Variants in BTG4 observed in about 807,000 individuals in gnomAD.
BTG4 encodes the protein protein BTG4.
A neutral mutation model predicts 19.3 loss-of-function variants in BTG4; 10 were observed. The ratio of observed to expected loss-of-function variants is 0.52; its 90% confidence interval spans 0.32 to 0.88. The LOEUF is 0.88. Among genes scored for constraint, BTG4 ranks in the 40% least tolerant of loss-of-function variants. The pLI is 0.04. For missense variants in BTG4, 238 were observed against 281.9 expected, an observed-to-expected ratio of 0.84 and a Z score of 1.11; for synonymous variants, 91 against 95.7, an observed-to-expected ratio of 0.95 and a Z score of 0.29.
At position 111,498,115 on chromosome 11, in the gene BTG4, T is replaced by C. The variant is rs368455885; in HGVS notation, c.194A>G (p.Asn65Ser). ...QAFRCIRINNNQNKDPILERA... is the reference protein window; with the variant it reads ...QAFRCIRINNSQNKDPILERA... ...TTCTAGAATGGGATCTTTATTCTGA[T>C]TGTTGTTTATCCTGATGCACCTTTT... Residue 65 changes from asparagine (N) to serine (S), a missense_variant, in exon 3 of 5, where the codon AAT becomes AGT. By Grantham distance (46) the Asn-to-Ser change is conservative (BLOSUM62 1). Transcript: ENST00000692032. The C allele has an allele frequency of 2.3e-5, 37 of 1,614,088 alleles. No homozygotes were observed. In the African/African-American group the frequency reaches 4.4e-4, roughly 19 times the overall value.
the BTG4 span, among the ~76,000 whole-genome samples, chr11:111,445,797 T>C: frequency 6.6e-6 from 1 of 152,198 alleles, no homozygotes; most frequent in African/African-American, 2.4e-5. Context: ...GACAAGACAC[T>C]TCCTCCCTCT....
At chr11:111,490,574 TAAAC>T (rs1195774779), downstream of BTG4, among the ~76,000 whole-genome samples, 9 of 151,956 alleles carry the variant, frequency 5.9e-5, no homozygotes, top group African/African-American at 9.7e-5. Context: ...AGTGGAAAAA[TAAAC>T]AACGCACTCA....
chr11:111,421,382 C>T, the BTG4 span, among the ~76,000 whole-genome samples: 1 of 152,102 alleles, frequency 6.6e-6, no homozygotes, highest in African/African-American at 2.4e-5. Flanking sequence ...TGAAAAACTC[C>T]AAACTGGATA....
At chr11:111,420,452 G>T in the BTG4 span, among the ~76,000 whole-genome samples, 1 of 152,336 alleles carries the variant, frequency 6.6e-6, no homozygotes, top group East Asian at 1.9e-4. Context: ...CAAGGATCAG[G>T]AGGAAGAAGG....
At chr11:111,458,589 C>A in the BTG4 span, among the ~76,000 whole-genome samples, 21 of 152,270 alleles carry the variant, frequency 1.4e-4, no homozygotes, top group Middle Eastern at 3.4e-3. Context: ...GGTCCTCTAG[C>A]TGCAAAGCCT....
At chr11:111,442,269 G>A in the BTG4 span, among the ~76,000 whole-genome samples, 1 of 151,448 alleles carries the variant, frequency 6.6e-6, no homozygotes, top group Non-Finnish European at 1.5e-5. Flanking sequence ...GGGAGGTCGA[G>A]GCAGGTGGAT....
At chr11:111,410,117 T>C in the BTG4 span, among the ~76,000 whole-genome samples, 4 of 152,294 alleles carry the variant, frequency 2.6e-5, no homozygotes, top group East Asian at 7.7e-4. Context: ...CTTGAATTAG[T>C]CATTTAACTG....
the BTG4 span, chr11:111,435,049 C>G: frequency 6.6e-6 from 1 of 152,288 alleles, no homozygotes; most frequent in African/African-American, 2.4e-5. Flanking sequence ...AGCACTGGTG[C>G]AGGCTTCCCC....
At chr11:111,499,690 C>T (rs10891276) in intron 1 of BTG4, among the ~76,000 whole-genome samples, 2 of 151,936 alleles carry the variant, frequency 1.3e-5, no homozygotes, top group African/African-American at 4.8e-5. Flanking sequence ...AAATTTGTTA[C>T]GACAACTTTG....
chr11:111,483,144 A>G (rs1021501525), intron 5 of BTG4, among the ~76,000 whole-genome samples: 1 of 152,278 alleles, frequency 6.6e-6, no homozygotes, highest in East Asian at 1.9e-4. Context: ...GCCAGCAGAA[A>G]TTGCAGCATT....
chr11:111,398,497 A>G, the BTG4 span, among the ~76,000 whole-genome samples: 6 of 152,012 alleles, frequency 3.9e-5, no homozygotes, highest in African/African-American at 1.5e-4. Flanking sequence ...TCTGTTGCTC[A>G]GGCTGGAGTG....
At position 111,498,736 on chromosome 11, in the gene BTG4, C is replaced by CT; in HGVS notation, c.40dup (p.Arg14LysfsTer7). The CT allele has an allele frequency of 8.7e-6, 14 of 1,612,828 alleles. No individual in the cohort carries two copies. The highest frequency in any genetic ancestry group is 1.1e-5 in the Non-Finnish European group (13 of 1,179,560). On this transcript the variant is annotated frameshift_variant, in exon 2 of 5. Coordinates refer to ENST00000692032, the MANE Select transcript of BTG4 (RefSeq NM_001367975.1). LOFTEE classifies it high-confidence loss of function. ...TAGTTTATCATGTTTTTTCACCAAT[C>CT]TTGTGACAAAGAAAACTGTTGTTGC...
intron 5 of BTG4, chr11:111,470,014 G>T (rs1242144819): frequency 6.6e-6 from 1 of 152,644 alleles, no homozygotes; most frequent in Non-Finnish European, 1.5e-5. Context: ...GTATCACATG[G>T]TCTTGACTAA....
the BTG4 span, among the ~76,000 whole-genome samples, chr11:111,442,166 C>A: frequency 6.6e-6 from 1 of 152,016 alleles, no homozygotes; most frequent in East Asian, 1.9e-4. Context: ...GGAACCAGAA[C>A]TCCTTGGGGA....
chr11:111,449,107 CTT>C, the BTG4 span, among the ~76,000 whole-genome samples: 4 of 152,128 alleles, frequency 2.6e-5, no homozygotes, highest in East Asian at 7.7e-4. Flanking sequence ...TCTCAAGTCT[CTT>C]TTTTTATTGA....
At chr11:111,494,659 G>T (rs997074023), downstream of BTG4, among the ~76,000 whole-genome samples, 1 of 152,050 alleles carries the variant, frequency 6.6e-6, no homozygotes, top group South Asian at 2.1e-4. Flanking sequence ...GGGCACGGTG[G>T]CTCACGCCTG....
At chr11:111,475,086 A>G (rs1307672672) in intron 5 of BTG4, 1 of 152,254 alleles carries the variant, frequency 6.6e-6, no homozygotes. Context: ...TATTTTTTCC[A>G]TTTTATTTTT....
chr11:111,504,320 G>A (rs1181814529), intron 1 of BTG4, among the ~76,000 whole-genome samples: 2 of 152,026 alleles, frequency 1.3e-5, no homozygotes, highest in Non-Finnish European at 2.9e-5. Flanking sequence ...AAACAAAATT[G>A]CATTTCCCAA....
At chr11:111,456,628 C>T in the BTG4 span, 3,986 of 437,072 alleles carry the variant, frequency 9.1e-3, 120 homozygotes, top group African/African-American at 0.072. The surrounding 1 kb of genome is among the most constrained non-coding windows in gnomAD (Gnocchi z 4.2). Flanking sequence ...AGGCTCCATA[C>T]CCCCTGGCTA....
Sources: allele counts gnomAD v4.1 joint callset (sites outside exome capture counted in the v4.1 genomes callset), GRCh38; gene constraint gnomAD v4.1.1; non-coding constraint Gnocchi (gnomAD v3.1); transcripts MANE v1.5; gene names NCBI Gene and HGNC (gene_info 2026-07-23, HGNC 2026-07-21).